The following PLEKHA6 variants were observed in gnomAD, a reference collection of about 807,000 sequenced individuals.
PLEKHA6 encodes the protein pleckstrin homology domain containing A6.
PLEKHA6 carries 60 observed loss-of-function variants against 116.7 expected under a neutral mutation model. The observed-to-expected ratio is 0.51, with a 90% CI of 0.42 to 0.64. The LOEUF is 0.64. Ranked by LOEUF, PLEKHA6 falls within the 30% of genes least tolerant of loss-of-function variation. The probability of loss-of-function intolerance (pLI) is 0.00; values close to 1 mark genes in which losing one functional copy is unlikely to be tolerated. For synonymous variants in PLEKHA6, 489 were observed against 556.1 expected, an observed-to-expected ratio of 0.88 and a Z score of 1.70; for missense variants, 1,338 against 1,422.7, an observed-to-expected ratio of 0.94 and a Z score of 0.96.
At position 204,257,343 on chromosome 1, in the gene PLEKHA6, G is replaced by A. The variant is rs1368373435; in HGVS notation, c.1524+10C>T. On this transcript the variant is annotated intron_variant, in intron 9 of 22. Coordinates refer to ENST00000272203, the MANE Select transcript of PLEKHA6 (RefSeq NM_014935.5). This position sits in a 1 kb window ranked among gnomAD's most constrained non-coding sequence, Gnocchi z 6.5. ...GGGGATGAGGAAGGAAGGGCAGGCT[G>A]GTGGCTCACCTTGGGGGAGCTGATG... 6.4e-7 allele frequency: 1 copy of A among 1,558,154 alleles called. No individual in the cohort carries two copies.
intron 3 of PLEKHA6, among the ~76,000 whole-genome samples, chr1:204,367,451 G>A (rs1370297924): frequency 6.6e-6 from 1 of 152,020 alleles, no homozygotes; most frequent in Non-Finnish European, 1.5e-5. Flanking sequence ...CCGCGGCTGC[G>A]TCTCCTGCCT....
At chr1:204,258,796 A>G (rs1402482052) in intron 8 of PLEKHA6, among the ~76,000 whole-genome samples, 9 of 152,254 alleles carry the variant, frequency 5.9e-5, no homozygotes, top group Non-Finnish European at 1.0e-4. Flanking sequence ...TTAACTTCAT[A>G]TAAATCATGG....
intron 1 of PLEKHA6, among the ~76,000 whole-genome samples, chr1:204,316,902 A>G (rs4314945): frequency 0.51 from 77,000 of 152,132 alleles, 20,048 homozygotes; most frequent in Middle Eastern, 0.62. Flanking sequence ...GAGAAGCCAA[A>G]TGATGAACCC....
rs890166218 is a variant in PLEKHA6 at position 204,220,488 on chromosome 1, C to T, written c.*2300G>A. On this transcript the variant is annotated 3_prime_UTR_variant, in exon 23 of 23. Transcript: ENST00000272203. ...GGGTTGGGACCTAAAGGCAGTTACCCCATCTCCTCACCTCATTTGCCAATT... is the reference window on the plus strand; with the variant it reads ...GGGTTGGGACCTAAAGGCAGTTACCTCATCTCCTCACCTCATTTGCCAATT... The T allele has an allele frequency of 2.0e-5, 3 of 152,616 alleles. No homozygotes were observed. Among genetic ancestry groups the T allele is most frequent in the African/African-American group, 7.2e-5 (3 of 41,448 alleles). 9.5% of individuals were successfully genotyped at this position (152,616 alleles called of 1,614,324 possible). A position where few individuals can be genotyped will look rare whatever the true frequency, so the allele number is the denominator to read the frequency against.
At chr1:204,278,480 T>C (rs1428770084) in intron 1 of PLEKHA6, among the ~76,000 whole-genome samples, 1 of 152,272 alleles carries the variant, frequency 6.6e-6, no homozygotes, top group Non-Finnish European at 1.5e-5. Context: ...AATTCTGTGA[T>C]GTCACAACAG....
intron 3 of PLEKHA6, among the ~76,000 whole-genome samples, chr1:204,365,833 C>G (rs1673636790): frequency 6.6e-6 from 1 of 152,000 alleles, no homozygotes; most frequent in African/African-American, 2.4e-5. Context: ...AAACGTGTTT[C>G]AGGTAGTGCC....
At chr1:204,325,902 G>T in intron 1 of PLEKHA6, 2 of 985,030 alleles carry the variant, frequency 2.0e-6, no homozygotes, top group Non-Finnish European at 2.4e-6. Flanking sequence ...TTTCCAGGCT[G>T]CCAAAGCCAA....
At chr1:204,268,662 C>T (rs1403400621) in intron 3 of PLEKHA6, among the ~76,000 whole-genome samples, 3 of 150,636 alleles carry the variant, frequency 2.0e-5, no homozygotes, top group African/African-American at 7.3e-5. Context: ...TACTCCCTCT[C>T]TCTTCCACAG....
At chr1:204,342,322 C>G (rs1672874563) in intron 1 of PLEKHA6, among the ~76,000 whole-genome samples, 3 of 152,152 alleles carry the variant, frequency 2.0e-5, no homozygotes, top group African/African-American at 7.2e-5. Context: ...GGCAACATAG[C>G]AAAAACAAAC....
intron 6 of PLEKHA6, among the ~76,000 whole-genome samples, chr1:204,262,629 C>G (rs1365002325): frequency 6.6e-6 from 1 of 152,144 alleles, no homozygotes; most frequent in African/African-American, 2.4e-5. Context: ...TGAACAGCAA[C>G]GTCAAGCCCA....
At chr1:204,271,225 A>T (rs1233896197) in intron 3 of PLEKHA6, among the ~76,000 whole-genome samples, 3 of 152,130 alleles carry the variant, frequency 2.0e-5, no homozygotes, top group Admixed American at 1.3e-4. Context: ...AAGCCAAAAG[A>T]TTGGACACCC....
chr1:204,275,143 A>G (rs1667867912), intron 1 of PLEKHA6: 2 of 155,086 alleles, frequency 1.3e-5, no homozygotes, highest in African/African-American at 2.4e-5. Flanking sequence ...AATTCAGCAC[A>G]TCAGGACCTC....
At chr1:204,285,892 T>C (rs1669115704) in intron 1 of PLEKHA6, among the ~76,000 whole-genome samples, 1 of 152,172 alleles carries the variant, frequency 6.6e-6, no homozygotes, top group Non-Finnish European at 1.5e-5. Flanking sequence ...GCTTTCCTTT[T>C]CCTTCCTGGA....
Position 204,325,435 on chromosome 1 carries a change from G to C in PLEKHA6, c.-95+34259C>G, listed in dbSNP as rs376725335. Among the ~76,000 whole-genome samples, 272 of 152,304 alleles carry C rather than the reference G, an allele frequency of 1.8e-3. 6 individuals are homozygous for C. The South Asian group carries it at 0.052, about 29-fold the overall frequency. On this transcript the variant is annotated intron_variant, in intron 1 of 22. Transcript: ENST00000272203. ...GTCTCAGGCACACTGAGAAAAATTG[G>C]TTGTCCTACCAAAGAACTCACGTAA...
At chr1:204,256,375 A>G (rs907058332) in intron 9 of PLEKHA6, among the ~76,000 whole-genome samples, 2 of 152,180 alleles carry the variant, frequency 1.3e-5, no homozygotes, top group African/African-American at 4.8e-5. Flanking sequence ...TTCTTCCTCA[A>G]TCATATCGCT....
chr1:204,287,679 G>A (rs1669336997), intron 1 of PLEKHA6, among the ~76,000 whole-genome samples: 1 of 152,082 alleles, frequency 6.6e-6, no homozygotes. Flanking sequence ...CTGTGGCTCT[G>A]TCCCCTCCAC....
At chr1:204,307,725 C>A in intron 1 of PLEKHA6, 1 of 241,900 alleles carries the variant, frequency 4.1e-6, no homozygotes, top group Non-Finnish European at 6.7e-6. Context: ...AGACAGCCCT[C>A]TAGCTGCAGC....
chr1:204,352,320 A>C (rs902683772), intron 1 of PLEKHA6, among the ~76,000 whole-genome samples: 1 of 151,878 alleles, frequency 6.6e-6, no homozygotes, highest in African/African-American at 2.4e-5. Flanking sequence ...GGTTGCAGTG[A>C]GCCAAGATCG....
rs1462792051 is a variant in PLEKHA6, at chr1:204,223,197, TC to T, written c.*8+264del. On this transcript the variant is annotated intron_variant, in intron 22 of 22. Transcript: ENST00000272203. The surrounding 1 kb of genome is among the most constrained non-coding windows in gnomAD (Gnocchi z 4.8). ...CAGACAGGTGAGGTCTCGGCTCCATTCCCTGCCTGCTTCTGGAGAAGCAAAG... is the reference window on the plus strand; with the variant it reads ...CAGACAGGTGAGGTCTCGGCTCCATTCCTGCCTGCTTCTGGAGAAGCAAAG... 6.6e-6 allele frequency among the ~76,000 whole-genome samples: 1 copy of T among 151,902 alleles called. No homozygotes were observed. The highest frequency in any genetic ancestry group is 1.5e-5 in the Non-Finnish European group (1 of 67,966).
Sources: gnomAD v4.1 joint callset for allele counts (sites outside exome capture counted in the v4.1 genomes callset) on GRCh38, gnomAD v4.1.1 for gene constraint, Gnocchi (gnomAD v3.1) non-coding constraint, MANE v1.5 for transcripts, NCBI Gene and HGNC (gene_info 2026-07-23, HGNC 2026-07-21) for gene names.